The following NSUN6 variants were observed in gnomAD, a reference collection of about 807,000 sequenced individuals.
NSUN6 encodes the protein NOP2/Sun RNA methyltransferase 6, also known as tRNA (cytosine(72)-C(5))-methyltransferase NSUN6.
In NSUN6, 64 loss-of-function variants were observed where a neutral mutation model predicts 58.0. The ratio of observed to expected loss-of-function variants is 1.10; its 90% CI spans 0.90 to 1.36. The LOEUF (loss-of-function observed/expected upper bound fraction) is 1.36. Among genes scored for constraint, NSUN6 ranks in the 40% most tolerant of loss-of-function variants. The pLI is 0.00. For missense variants in NSUN6, 701 were observed against 550.1 expected (o/e 1.27, Z -2.74); for synonymous variants, 231 against 193.9 (o/e 1.19, Z -1.59).
At chr10:18,576,197 T>C (rs932494641) in intron 8 of NSUN6, among the ~76,000 whole-genome samples, 9 of 152,138 alleles carry the variant, frequency 5.9e-5, no homozygotes, top group East Asian at 5.8e-4. Context: ...GCTGACCATC[T>C]AGTATTAACA....
intron 8 of NSUN6, among the ~76,000 whole-genome samples, chr10:18,575,249 GT>G (rs1703883745): frequency 2.0e-5 from 3 of 152,122 alleles, no homozygotes; most frequent in Non-Finnish European, 4.4e-5. Context: ...TAGTTGCTTA[GT>G]ATATAAGAAA....
chr10:18,606,040 G>C (rs1024184940), intron 6 of NSUN6, among the ~76,000 whole-genome samples: 3 of 152,054 alleles, frequency 2.0e-5, no homozygotes, highest in African/African-American at 7.3e-5. Flanking sequence ...ATTACACAAG[G>C]CCTAAAAGGG....
chr10:18,574,748 G>C (rs539402617), intron 8 of NSUN6, among the ~76,000 whole-genome samples: 1 of 152,206 alleles, frequency 6.6e-6, no homozygotes, highest in South Asian at 2.1e-4. Context: ...TCATACATTT[G>C]GGAAAATTCG....
intron 3 of NSUN6, among the ~76,000 whole-genome samples, chr10:18,637,482 T>C (rs1173527789): frequency 1.3e-5 from 2 of 152,204 alleles, no homozygotes; most frequent in African/African-American, 4.8e-5. Context: ...TTTAGAGAAC[T>C]AAAATGGCCA....
In NSUN6 at chr10:18,596,240, T is replaced by C; in HGVS notation, c.745A>G (p.Thr249Ala). The change falls in exon 7 of 11, where the codon ACA becomes GCA. Residue 249 changes from threonine to alanine, a missense_variant. Coordinates refer to ENST00000377304, the MANE Select transcript of NSUN6 (RefSeq NM_182543.5). The part of the protein sequence containing the change: ...LDLCAAPGGK[T>A]THIAALMHDQ... ...TGCATTAGTGCTGCAATGTGTGTTG[T>C]TTTCCCTCCAGGTGCTGCACACAAG... The C allele has an allele frequency of 6.2e-7, 1 of 1,611,606 alleles. No individual in the cohort carries two copies. Among genetic ancestry groups the C allele is most frequent in the Non-Finnish European group, 8.5e-7 (1 of 1,177,718 alleles).
At chr10:18,577,984 G>A (rs1241340637) in intron 8 of NSUN6, among the ~76,000 whole-genome samples, 1 of 152,244 alleles carries the variant, frequency 6.6e-6, no homozygotes, top group Non-Finnish European at 1.5e-5. Context: ...CCAAGTGTGA[G>A]CTTACCATTG....
chr10:18,584,860 C>A, intron 8 of NSUN6, among the ~76,000 whole-genome samples: 1 of 149,660 alleles, frequency 6.7e-6, no homozygotes. Context: ...AATGGAGCCC[C>A]AAAGATGGTA....
At chr10:18,644,628 A>C (rs2059487757) in intron 2 of NSUN6, among the ~76,000 whole-genome samples, 1 of 150,288 alleles carries the variant, frequency 6.7e-6, no homozygotes, top group Non-Finnish European at 1.5e-5. Flanking sequence ...CGAGGTCAGG[A>C]GATCGAGACC....
intron 6 of NSUN6, among the ~76,000 whole-genome samples, chr10:18,607,585 T>C (rs2058088468): frequency 6.6e-6 from 1 of 152,158 alleles, no homozygotes; most frequent in African/African-American, 2.4e-5. Context: ...ACTGAGAAAT[T>C]TAATGTAATA....
chr10:18,651,463 C>T lies in NSUN6; in HGVS notation c.-260G>A. 8.5e-7 allele frequency: 1 copy of T among 1,172,086 alleles called. No individual in the cohort carries two copies. The highest frequency in any genetic ancestry group is 1.1e-6 in the Non-Finnish European group (1 of 949,932). The allele number at this position is 1,172,086 out of a possible 1,614,324, so 72.6% of individuals were successfully genotyped here. The stretch of plus-strand genomic sequence containing the variant: ...GAGATGCTCATGGAAATCACTGAGC[C>T]AATGCCACTCACGTTGCAAAGAACC... On this transcript the variant is annotated 5_prime_UTR_variant, in exon 1 of 11. Coordinates refer to ENST00000377304, the MANE Select transcript of NSUN6 (RefSeq NM_182543.5).
At chr10:18,625,481 G>C (rs2058759453) in intron 3 of NSUN6, among the ~76,000 whole-genome samples, 1 of 152,048 alleles carries the variant, frequency 6.6e-6, no homozygotes, top group Non-Finnish European at 1.5e-5. Context: ...GGAAGGCCGA[G>C]GTTGGTGGAT....
intron 8 of NSUN6, among the ~76,000 whole-genome samples, chr10:18,566,543 TC>T (rs1045502336): frequency 1.5e-5 from 2 of 136,546 alleles, no homozygotes; most frequent in Non-Finnish European, 3.5e-5. Flanking sequence ...TCCTGTCCAA[TC>T]CATTCCATTC....
chr10:18,603,885 A>T (rs2057946426), intron 6 of NSUN6, among the ~76,000 whole-genome samples: 1 of 152,198 alleles, frequency 6.6e-6, no homozygotes, highest in Non-Finnish European at 1.5e-5. Flanking sequence ...ACTACACACA[A>T]CTTAAAAGCA....
chr10:18,628,002 G>A (rs879515287), intron 3 of NSUN6, among the ~76,000 whole-genome samples: 1 of 152,240 alleles, frequency 6.6e-6, no homozygotes, highest in Non-Finnish European at 1.5e-5. Context: ...ACACTTAAAT[G>A]TCCCTGTCTG....
At chr10:18,552,491 T>C (rs1309894629) in intron 8 of NSUN6, among the ~76,000 whole-genome samples, 1 of 152,132 alleles carries the variant, frequency 6.6e-6, no homozygotes, top group Non-Finnish European at 1.5e-5. Context: ...AAGTTTTCCT[T>C]TGCATTCACT....
chr10:18,633,472 C>T (rs555157052), intron 3 of NSUN6, among the ~76,000 whole-genome samples: 4 of 151,654 alleles, frequency 2.6e-5, no homozygotes, highest in Non-Finnish European at 5.9e-5. Context: ...ATTCCATTTG[C>T]AATAAAACTA....
upstream of NSUN6, chr10:18,655,222 T>A: frequency 2.4e-6 from 2 of 847,664 alleles, no homozygotes; most frequent in Non-Finnish European, 2.8e-6. Flanking sequence ...AAAATGGTAT[T>A]AACATATGAC....
chr10:18,617,378 G>A (rs2058451033), intron 3 of NSUN6, among the ~76,000 whole-genome samples: 2 of 151,932 alleles, frequency 1.3e-5, no homozygotes. Flanking sequence ...AGTAGTGACA[G>A]GGTTTCACCA....
rs2054226169 is a variant in NSUN6 at position 18,545,936 on chromosome 10, T to C, written c.1407A>G (p.Thr469=). The C allele has an allele frequency of 2.0e-6, 3 of 1,531,102 alleles. No individual in the cohort carries two copies. The highest frequency in any genetic ancestry group is 2.4e-5 in the South Asian group (2 of 85,058). The allele number at this position is 1,531,102 out of a possible 1,614,324, so 94.8% of individuals were successfully genotyped here. The change falls in exon 11 of 11, where the codon ACA becomes ACG. Residue 469 remains threonine (T), a synonymous_variant. Transcript: ENST00000377304. ...FIAKFVKCKS[T] is the part of the protein sequence containing the mutation. ...TTTCTGAGCATCCATCCCTCTCCTATGTGCTTTTGCATTTTACAAATTTTG... is the reference window on the plus strand; with the variant it reads ...TTTCTGAGCATCCATCCCTCTCCTACGTGCTTTTGCATTTTACAAATTTTG...
Sources: gnomAD v4.1 joint callset for allele counts (sites outside exome capture counted in the v4.1 genomes callset) on GRCh38, gnomAD v4.1.1 for gene constraint, MANE v1.5 for transcripts, NCBI Gene and HGNC (gene_info 2026-07-23, HGNC 2026-07-21) for gene names.